ARAP2: variants seen among roughly 807,000 people sequenced by gnomAD.
ARAP2 encodes the protein arf-GAP with Rho-GAP domain, ANK repeat and PH domain-containing protein 2.
In ARAP2, 148 loss-of-function variants were observed where a neutral mutation model predicts 194.5. That is an observed-to-expected ratio of 0.76 (90% CI 0.67 to 0.87). The LOEUF (loss-of-function observed/expected upper bound fraction) is 0.87. ARAP2 is among the 40% of genes least tolerant of loss of function. The pLI is 0.00. For missense variants in ARAP2, 2,128 were observed against 1,989.7 expected, an observed-to-expected ratio of 1.07 and a Z score of -1.32; for synonymous variants, 695 against 683.5, an observed-to-expected ratio of 1.02 and a Z score of -0.26.
intron 5 of ARAP2, 119 bp downstream of exon 5, chr4:36,212,277 T>C (rs191255903): frequency 1.0e-5 from 8 of 769,166 alleles, no homozygotes; most frequent in Middle Eastern, 4.0e-4. Context: ...GAGGAAAAAA[T>C]TGAACTTATC....
intron 5 of ARAP2, among the ~76,000 whole-genome samples, chr4:36,024,971 G>A (rs960811681): frequency 6.6e-6 from 1 of 152,058 alleles, no homozygotes; most frequent in African/African-American, 2.4e-5. Context: ...ATTTTCTCCA[G>A]TGTCATTATA....
chr4:36,239,236 A>T (rs1211460636), intron 1 of ARAP2, among the ~76,000 whole-genome samples: 3 of 152,148 alleles, frequency 2.0e-5, no homozygotes, highest in Non-Finnish European at 4.4e-5. Context: ...ATATCACGCC[A>T]CTACAGGGAC....
intron 5 of ARAP2, among the ~76,000 whole-genome samples, chr4:36,037,547 G>A (rs1720138315): frequency 6.6e-6 from 1 of 152,064 alleles, no homozygotes; most frequent in South Asian, 2.1e-4. Context: ...ATATTAAATT[G>A]CATCTATCAA....
intron 30 of ARAP2, among the ~76,000 whole-genome samples, 154 bp downstream of exon 30, chr4:36,082,097 C>T (rs891797253): frequency 6.6e-6 from 1 of 152,012 alleles, no homozygotes; most frequent in Non-Finnish European, 1.5e-5. Context: ...AATCTGTTTT[C>T]CTCTTCTTAG....
Position 36,164,985 on chromosome 4 carries a change from G to A in ARAP2, c.2102C>T (p.Ala701Val). 1 of 1,614,130 alleles carries A rather than the reference G, an allele frequency of 6.2e-7. No individual in the cohort carries two copies. The highest frequency in any genetic ancestry group is 1.6e-4 in the Middle Eastern group (1 of 6,062). The change falls in exon 11 of 33, where the codon GCA (alanine) becomes GTA (valine). Residue 701 changes from alanine to valine, a missense_variant. Transcript: ENST00000303965. Reference sequence around the variant, plus strand: ...GTCAGGATCTGGGGCTTTACAATCTGCACAGCTCCTGTTGGATTCATTGAA... The same window carrying A: ...GTCAGGATCTGGGGCTTTACAATCTACACAGCTCCTGTTGGATTCATTGAA... ...IWFNESNRSC[A>V]DCKAPDPDWA...
chr4:36,119,544 C>A, intron 24 of ARAP2, 106 bp downstream of exon 24: 1 of 710,994 alleles, frequency 1.4e-6, no homozygotes, highest in Non-Finnish European at 2.2e-6. Context: ...ATTACTTTTA[C>A]TTTGCTTAAA....
At chr4:36,102,040 C>T (rs986256073) in intron 27 of ARAP2, among the ~76,000 whole-genome samples, 6 of 151,986 alleles carry the variant, frequency 3.9e-5, no homozygotes, top group Non-Finnish European at 5.9e-5. Flanking sequence ...TTTGCTACAT[C>T]TGTTCTTTAA....
At chr4:36,129,703 T>G (rs1441479018) in intron 20 of ARAP2, among the ~76,000 whole-genome samples, 1 of 151,896 alleles carries the variant, frequency 6.6e-6, no homozygotes, top group Non-Finnish European at 1.5e-5. Context: ...CCTTCCTCAA[T>G]TCTCTTCTCT....
chr4:36,206,880 G>A (rs897947170), intron 6 of ARAP2, among the ~76,000 whole-genome samples: 2 of 152,038 alleles, frequency 1.3e-5, no homozygotes, highest in Non-Finnish European at 2.9e-5. Flanking sequence ...TAAAAAAAGA[G>A]GAATTTCCCC....
At chr4:36,044,739 C>G (rs1577645288) in intron 5 of ARAP2, among the ~76,000 whole-genome samples, 1 of 151,784 alleles carries the variant, frequency 6.6e-6, no homozygotes, top group East Asian at 1.9e-4. Context: ...GCAAAGTAAA[C>G]AATTAACAGG....
intron 1 of ARAP2, among the ~76,000 whole-genome samples, chr4:36,236,851 A>G (rs6813938): frequency 0.43 from 64,743 of 152,008 alleles, 14,241 homozygotes; most frequent in African/African-American, 0.53. Context: ...TAGTACCCAG[A>G]TAAAAAATTC....
At chr4:36,129,909 C>T (rs1724999991) in intron 20 of ARAP2, among the ~76,000 whole-genome samples, 1 of 151,776 alleles carries the variant, frequency 6.6e-6, no homozygotes. Flanking sequence ...AATTCTCCTG[C>T]CCTGTTTACT....
At chr4:36,149,509 G>T (rs1038171196) in intron 16 of ARAP2, among the ~76,000 whole-genome samples, 1 of 152,044 alleles carries the variant, frequency 6.6e-6, no homozygotes, top group African/African-American at 2.4e-5. Context: ...GAATTTTATG[G>T]CAACAATTAT....
chr4:36,146,376 A>G (rs1343369226), intron 19 of ARAP2, among the ~76,000 whole-genome samples: 2 of 152,052 alleles, frequency 1.3e-5, no homozygotes, highest in African/African-American at 4.8e-5. Flanking sequence ...GCTTCCCATC[A>G]TATTTTGATT....
chr4:36,187,834 T>A (rs1740918554), intron 7 of ARAP2, among the ~76,000 whole-genome samples: 1 of 152,180 alleles, frequency 6.6e-6, no homozygotes, highest in Non-Finnish European at 1.5e-5. Context: ...ATACAAACAA[T>A]CCTACTAAAC....
At chr4:36,161,881 G>A (rs1046422309) in intron 11 of ARAP2, among the ~76,000 whole-genome samples, 9 of 151,390 alleles carry the variant, frequency 5.9e-5, no homozygotes, top group African/African-American at 2.2e-4. Flanking sequence ...GGCCGAGGCG[G>A]GCGGATCACG....
chr4:36,234,213 C>G (rs1313110797), intron 1 of ARAP2, among the ~76,000 whole-genome samples: 1 of 152,194 alleles, frequency 6.6e-6, no homozygotes, highest in Non-Finnish European at 1.5e-5. Flanking sequence ...TAATAAACAA[C>G]AGAAGTGCAT....
chr4:36,042,875 C>T (rs1721112762), intron 5 of ARAP2, among the ~76,000 whole-genome samples: 1 of 148,122 alleles, frequency 6.8e-6, no homozygotes, highest in African/African-American at 2.5e-5. Context: ...CAGGGTTTCA[C>T]TCTGTCACGC....
intron 9 of ARAP2, among the ~76,000 whole-genome samples, chr4:36,011,659 C>T (rs1438774738): frequency 1.3e-5 from 2 of 152,134 alleles, no homozygotes; most frequent in Admixed American, 6.6e-5. Flanking sequence ...TACAAATGCA[C>T]CCTCATTCTC....
Sources: allele counts gnomAD v4.1 joint callset (sites outside exome capture counted in the v4.1 genomes callset), GRCh38; gene constraint gnomAD v4.1.1; transcripts MANE v1.5; gene names NCBI Gene and HGNC (gene_info 2026-07-23, HGNC 2026-07-21).